Variants in RPS6KA2 observed in about 807,000 individuals in gnomAD.
RPS6KA2 encodes ribosomal protein S6 kinase A2, also known as ribosomal protein S6 kinase alpha-2.
RPS6KA2 carries 42 observed loss-of-function variants against 91.8 expected under a neutral mutation model. The ratio of observed to expected loss-of-function variants is 0.46; its 90% CI spans 0.36 to 0.59. The LOEUF (loss-of-function observed/expected upper bound fraction) is 0.59. RPS6KA2 is among the 20% of genes least tolerant of loss of function. The pLI, the probability that RPS6KA2 is intolerant of heterozygous loss-of-function variation, is 0.00. For missense variants in RPS6KA2, 798 were observed against 978.5 expected (o/e 0.82, Z 2.46); for synonymous variants, 414 against 393.6 (o/e 1.05, Z -0.61).
chr6:166,409,770 T>C lies in RPS6KA2; in HGVS notation c.*2992A>G, dbSNP rs1000968981. The C allele has an allele frequency of 6.6e-6, 1 of 152,638 alleles. No homozygotes were observed. Among genetic ancestry groups the C allele is most frequent in the Non-Finnish European group, 1.5e-5 (1 of 68,032 alleles). The allele number at this position is 152,638 out of a possible 1,614,324, so 9.5% of individuals were successfully genotyped here. ...ACGGAGTGCAAATCAAACTTTGCCATGTGCTTGAGAGAATCAGTAAAGCGT... is the reference window on the plus strand; with the variant it reads ...ACGGAGTGCAAATCAAACTTTGCCACGTGCTTGAGAGAATCAGTAAAGCGT... On this transcript the variant is annotated 3_prime_UTR_variant, in exon 21 of 21. Coordinates refer to ENST00000265678, the MANE Select transcript of RPS6KA2 (RefSeq NM_021135.6).
chr6:166,416,846 AC>A (rs1470284499), intron 19 of RPS6KA2, among the ~76,000 whole-genome samples: 4 of 149,232 alleles, frequency 2.7e-5, no homozygotes, highest in Admixed American at 6.6e-5. Context: ...CTCTGCCACC[AC>A]TTCTGCCATC....
chr6:166,858,409 T>C (rs1042631833), intron 1 of RPS6KA2: 1 of 616,596 alleles, frequency 1.6e-6, no homozygotes, highest in Admixed American at 2.9e-5. Flanking sequence ...CCTTCCCACC[T>C]GAATTTATGT....
At chr6:166,712,281 G>A (rs1465745350) in intron 2 of RPS6KA2, among the ~76,000 whole-genome samples, 3 of 152,242 alleles carry the variant, frequency 2.0e-5, no homozygotes, top group Non-Finnish European at 2.9e-5. Flanking sequence ...CTGGTGGTGA[G>A]GGCAAGGCCA....
intron 2 of RPS6KA2, among the ~76,000 whole-genome samples, chr6:166,846,194 C>T (rs1780600246): frequency 6.7e-6 from 1 of 149,968 alleles, no homozygotes; most frequent in Admixed American, 6.7e-5. Flanking sequence ...CAATAACAAG[C>T]AGCAAGATTG....
chr6:166,640,822 G>T (rs1406972706), intron 2 of RPS6KA2, among the ~76,000 whole-genome samples: 1 of 144,188 alleles, frequency 6.9e-6, no homozygotes, highest in East Asian at 2.3e-4. Context: ...GGTGTGGGGG[G>T]TCGGATCCGA....
At chr6:166,442,014 T>C (rs1779534442) in intron 14 of RPS6KA2, among the ~76,000 whole-genome samples, 1 of 152,238 alleles carries the variant, frequency 6.6e-6, no homozygotes, top group African/African-American at 2.4e-5. Flanking sequence ...GCCCACTTGG[T>C]GGCAGCAGGA....
chr6:166,705,126 G>A (rs576856800), intron 2 of RPS6KA2, among the ~76,000 whole-genome samples: 1 of 152,296 alleles, frequency 6.6e-6, no homozygotes, highest in African/African-American at 2.4e-5. Flanking sequence ...ATTCTGAGAT[G>A]TTCACCTCAA....
chr6:166,859,996 C>T (rs528789793), intron 1 of RPS6KA2, among the ~76,000 whole-genome samples: 1 of 152,310 alleles, frequency 6.6e-6, no homozygotes, highest in African/African-American at 2.4e-5. Context: ...AGTTCAGAGG[C>T]CAGATATGCT....
intron 2 of RPS6KA2, among the ~76,000 whole-genome samples, chr6:166,790,086 C>A (rs2083826726): frequency 6.6e-6 from 1 of 151,992 alleles, no homozygotes; most frequent in African/African-American, 2.4e-5. Context: ...GAAATTCACA[C>A]CAATGGCAAA....
intron 2 of RPS6KA2, among the ~76,000 whole-genome samples, chr6:166,668,979 C>T (rs1370683401): frequency 6.6e-6 from 1 of 151,644 alleles, no homozygotes; most frequent in East Asian, 1.9e-4. Flanking sequence ...TAGCCTCGAC[C>T]TCCCAGGCTC....
At chr6:166,736,308 C>T (rs1790667806) in intron 2 of RPS6KA2, among the ~76,000 whole-genome samples, 1 of 152,234 alleles carries the variant, frequency 6.6e-6, no homozygotes, top group Non-Finnish European at 1.5e-5. Context: ...GTGATCTCCA[C>T]TGAGATTTTC....
At chr6:166,858,458 A>T (rs1324438794) in intron 1 of RPS6KA2, among the ~76,000 whole-genome samples, 1 of 152,246 alleles carries the variant, frequency 6.6e-6, no homozygotes, top group Non-Finnish European at 1.5e-5. Flanking sequence ...TGGATCCTTT[A>T]TACAACAGGT....
At chr6:166,449,327 A>T (rs557132785) in intron 13 of RPS6KA2, among the ~76,000 whole-genome samples, 1 of 152,240 alleles carries the variant, frequency 6.6e-6, no homozygotes, top group Non-Finnish European at 1.5e-5. Context: ...GAAAGCCACC[A>T]TGGCAGCCTG....
At position 166,433,031 on chromosome 6, in the gene RPS6KA2, C is replaced by G. The variant is rs1407443812; in HGVS notation, c.1333-541G>C. On this transcript the variant is annotated intron_variant, in intron 14 of 20. Transcript: ENST00000265678. This position sits in a 1 kb window ranked among gnomAD's most constrained non-coding sequence, Gnocchi z 4.4. ...AAAAAAAGGAGTACAAGACTTCAGA[C>G]ATGAATTTTAAGGTGTTATAAGGTT... Among the ~76,000 whole-genome samples, 1 of 149,898 alleles carries G rather than the reference C, an allele frequency of 6.7e-6. No individual in the cohort carries two copies. Among genetic ancestry groups the G allele is most frequent in the East Asian group, 2.0e-4 (1 of 5,102 alleles).
intron 2 of RPS6KA2, among the ~76,000 whole-genome samples, chr6:166,842,984 G>A (rs779228341): frequency 1.6e-4 from 25 of 152,206 alleles, no homozygotes; most frequent in Non-Finnish European, 2.2e-4. Context: ...TCAGTGGGGA[G>A]GGCAAGTTCT....
intron 1 of RPS6KA2, among the ~76,000 whole-genome samples, chr6:166,551,728 G>A (rs1013232916): frequency 9.2e-5 from 14 of 152,082 alleles, no homozygotes; most frequent in African/African-American, 1.2e-4. Context: ...GTTTAGAAAC[G>A]GCCTCACCAG....
intron 17 of RPS6KA2, among the ~76,000 whole-genome samples, chr6:166,422,835 G>C (rs1382021864): frequency 6.6e-6 from 1 of 152,134 alleles, no homozygotes; most frequent in Non-Finnish European, 1.5e-5. Flanking sequence ...GAGAATTGGG[G>C]TGCAGAGAAA....
At chr6:166,417,609 C>A (rs1184993390) in intron 19 of RPS6KA2, among the ~76,000 whole-genome samples, 1 of 122,050 alleles carries the variant, frequency 8.2e-6, no homozygotes, top group Admixed American at 8.2e-5. Context: ...ACAAATAAAT[C>A]TCTCTCTCTA....
Position 166,504,587 on chromosome 6 carries a change from T to C in RPS6KA2, c.485A>G (p.Lys162Arg), listed in dbSNP as rs763546969. 2 of 1,613,548 alleles carry C rather than the reference T, an allele frequency of 1.2e-6. No individual in the cohort carries two copies. The highest frequency in any genetic ancestry group is 1.3e-5 in the African/African-American group (1 of 74,988). Residue 162 changes from lysine (K) to arginine (R), a missense_variant, in exon 6 of 21, where the codon AAG becomes AGG. By Grantham distance (26) the Lys-to-Arg change is conservative. Transcript: ENST00000265678. ...KEVMFTEEDV[K>R]FYLAELALAL... Reference sequence around the variant, plus strand: ...CAAGGCCAGCTCAGCCAGGTAGAACTTGACATCCTCCTCCGTGAACATGAC... The same window carrying C: ...CAAGGCCAGCTCAGCCAGGTAGAACCTGACATCCTCCTCCGTGAACATGAC...
Sources: allele counts gnomAD v4.1 joint callset (sites outside exome capture counted in the v4.1 genomes callset), GRCh38; gene constraint gnomAD v4.1.1; non-coding constraint Gnocchi (gnomAD v3.1); transcripts MANE v1.5; gene names NCBI Gene and HGNC (gene_info 2026-07-23, HGNC 2026-07-21).